Variants in FAM185A observed in about 807,000 individuals in gnomAD.
FAM185A encodes the protein family with sequence similarity 185 member A.
In FAM185A, 21 loss-of-function variants were observed where a neutral mutation model predicts 45.7. The observed-to-expected ratio is 0.46, with a 90% CI of 0.33 to 0.66. FAM185A has a LOEUF of 0.66. Among genes scored for constraint, FAM185A ranks in the 30% least tolerant of loss-of-function variants. The pLI is 0.03. For synonymous variants in FAM185A, 117 were observed against 194.0 expected (o/e 0.60, Z 3.30); for missense variants, 305 against 485.4 (o/e 0.63, Z 3.49).
At chr7:102,816,572 T>C in the FAM185A span, among the ~76,000 whole-genome samples, 1 of 152,156 alleles carries the variant, frequency 6.6e-6, no homozygotes, top group Non-Finnish European at 1.5e-5. Flanking sequence ...TCTGAGTTCT[T>C]TATCATAGCA....
chr7:102,771,470 C>T (rs1361912295), intron 4 of FAM185A, among the ~76,000 whole-genome samples: 3 of 152,040 alleles, frequency 2.0e-5, no homozygotes, highest in African/African-American at 7.2e-5. Context: ...TATATTAGAC[C>T]TTCAGATGGA....
chr7:102,778,799 G>T (rs899937082), intron 6 of FAM185A, among the ~76,000 whole-genome samples: 1 of 152,144 alleles, frequency 6.6e-6, no homozygotes, highest in Admixed American at 6.5e-5. Context: ...AATACACTTG[G>T]TAAGAGTAAC....
the FAM185A span, among the ~76,000 whole-genome samples, chr7:102,829,964 C>T: frequency 6.6e-6 from 1 of 152,198 alleles, no homozygotes; most frequent in African/African-American, 2.4e-5. Context: ...GGATACTCAT[C>T]TGACCCACAG....
chr7:102,762,179 A>G (rs1350038900), intron 4 of FAM185A, among the ~76,000 whole-genome samples: 1 of 152,224 alleles, frequency 6.6e-6, no homozygotes, highest in Non-Finnish European at 1.5e-5. Context: ...TACTGGCACC[A>G]GGTTTTCTCA....
chr7:102,786,664 A>T (rs966711716), intron 6 of FAM185A, among the ~76,000 whole-genome samples: 3 of 151,984 alleles, frequency 2.0e-5, no homozygotes, highest in African/African-American at 7.3e-5. Context: ...AACATCACAC[A>T]CCGGGGCCTG....
rs888343620 is a variant in FAM185A at position 102,786,092 on chromosome 7, A to C, written c.932-1243A>C. On this transcript the variant is annotated intron_variant, in intron 6 of 7. Coordinates refer to ENST00000413034, the MANE Select transcript of FAM185A (RefSeq NM_001145268.2). ...GACACATGAAAAAATGCTCATCATCACTGGCCATCAGAGAAATGCAAATCA... is the reference window on the plus strand; with the variant it reads ...GACACATGAAAAAATGCTCATCATCCCTGGCCATCAGAGAAATGCAAATCA... Among the ~76,000 whole-genome samples, 4 of 152,184 alleles carry C rather than the reference A, an allele frequency of 2.6e-5. No individual in the cohort carries two copies. The South Asian group carries it at 8.3e-4, about 32-fold the overall frequency.
the FAM185A span, among the ~76,000 whole-genome samples, chr7:102,847,946 T>C: frequency 1.2e-4 from 19 of 152,348 alleles, no homozygotes; most frequent in African/African-American, 4.6e-4. Context: ...TAAATACATA[T>C]ACACATTGAC....
rs1793841123 is a variant in FAM185A, at chr7:102,757,733, A to G, written c.562-121A>G. ...ATTCGAAGCAGTGAGTTTCTATTTC[A>G]TTCCTTATTGTTCTTTTGTTGCTTT... On this transcript the variant is annotated intron_variant, in intron 2 of 7. Coordinates refer to ENST00000413034, the MANE Select transcript of FAM185A (RefSeq NM_001145268.2). The G allele has an allele frequency of 2.3e-6, 3 of 1,310,378 alleles. No homozygotes were observed. In the Admixed American group the frequency reaches 8.3e-5, roughly 36 times the overall value. The allele number at this position is 1,310,378 out of a possible 1,614,324, so 81.2% of individuals were successfully genotyped here.
intron 7 of FAM185A, among the ~76,000 whole-genome samples, chr7:102,803,034 G>T (rs1796886848): frequency 6.6e-6 from 1 of 151,872 alleles, no homozygotes; most frequent in South Asian, 2.1e-4. Context: ...GATTGAAGTG[G>T]TAATTAAAAA....
chr7:102,826,093 T>C, the FAM185A span, among the ~76,000 whole-genome samples: 1 of 152,200 alleles, frequency 6.6e-6, no homozygotes, highest in African/African-American at 2.4e-5. Context: ...AACTTGACTG[T>C]TGGCTTTCAG....
downstream of FAM185A, chr7:102,813,329 T>A (rs747115287): frequency 1.9e-6 from 3 of 1,580,178 alleles, no homozygotes; most frequent in South Asian, 3.5e-5. Context: ...TTCTTCCTGC[T>A]TGAGGCTGAA....
downstream of FAM185A, among the ~76,000 whole-genome samples, chr7:102,811,786 T>C (rs370883231): frequency 4.6e-5 from 7 of 152,228 alleles, no homozygotes; most frequent in African/African-American, 1.7e-4. Flanking sequence ...TGTCATCTTA[T>C]GTCTCTTGGC....
intron 7 of FAM185A, among the ~76,000 whole-genome samples, chr7:102,794,035 C>CA (rs765672577): frequency 0.26 from 15,030 of 58,620 alleles, 1,934 homozygotes; most frequent in East Asian, 0.55. Context: ...GACTCTGTCT[C>CA]AAAAAAAAAA....
intron 4 of FAM185A, among the ~76,000 whole-genome samples, chr7:102,772,074 ATT>A (rs1209199548): frequency 1.4e-5 from 2 of 142,718 alleles, no homozygotes; most frequent in African/African-American, 5.3e-5. Context: ...ATACATTGAT[ATT>A]TAGGTTGAAA....
the FAM185A span, chr7:102,832,718 C>A: frequency 8.3e-7 from 1 of 1,209,174 alleles, no homozygotes; most frequent in Non-Finnish European, 1.1e-6. Flanking sequence ...AGAAAAAAAT[C>A]CAATGAATAC....
intron 5 of FAM185A, among the ~76,000 whole-genome samples, chr7:102,776,099 T>TATACAC (rs1554372419): frequency 1.5e-4 from 16 of 106,648 alleles, no homozygotes; most frequent in South Asian, 9.2e-4. Context: ...TTGGCTCCTA[T>TATACAC]ACACACACAC....
chr7:102,774,060 T>C (rs1043203753), intron 5 of FAM185A, among the ~76,000 whole-genome samples: 49 of 152,212 alleles, frequency 3.2e-4, no homozygotes, highest in African/African-American at 1.2e-3. Context: ...CTGAATCACA[T>C]TGTATCTTCC....
chr7:102,830,208 CA>C, the FAM185A span, among the ~76,000 whole-genome samples: 1 of 152,130 alleles, frequency 6.6e-6, no homozygotes, highest in African/African-American at 2.4e-5. Flanking sequence ...AACAAAAAAC[CA>C]AAGCAAACAA....
chr7:102,795,793 A>G (rs972681421), intron 7 of FAM185A, among the ~76,000 whole-genome samples: 2 of 151,878 alleles, frequency 1.3e-5, no homozygotes, highest in Admixed American at 1.3e-4. Flanking sequence ...GCACCACTCT[A>G]TAATTGCCTA....
Sources: gnomAD v4.1 joint callset for allele counts (sites outside exome capture counted in the v4.1 genomes callset) on GRCh38, gnomAD v4.1.1 for gene constraint, MANE v1.5 for transcripts, NCBI Gene and HGNC (gene_info 2026-07-23, HGNC 2026-07-21) for gene names.